AASS: variants seen among roughly 807,000 people sequenced by gnomAD.
AASS encodes the protein aminoadipate-semialdehyde synthase.
In AASS, 86 loss-of-function variants were observed where a neutral mutation model predicts 105.4. The ratio of observed to expected loss-of-function variants is 0.82; its 90% CI spans 0.69 to 0.98. The LOEUF (loss-of-function observed/expected upper bound fraction) is 0.98, where lower values mean the gene tolerates loss of function less well. Among genes scored for constraint, AASS ranks in the 50% least tolerant of loss-of-function variants. The probability of loss-of-function intolerance (pLI) is 0.00; values close to 1 mark genes in which losing one functional copy is unlikely to be tolerated. For missense variants in AASS, 1,048 were observed against 1,143.2 expected (o/e 0.92, Z 1.20); for synonymous variants, 381 against 394.8 (o/e 0.96, Z 0.41).
intron 1 of AASS, among the ~76,000 whole-genome samples, chr7:122,141,122 T>C (rs1442542232): frequency 6.6e-6 from 1 of 152,214 alleles, no homozygotes; most frequent in African/African-American, 2.4e-5. Context: ...TGGGCTTGCA[T>C]TAACACTGGT....
intron 14 of AASS, 44 bp downstream of exon 14, chr7:122,098,701 C>A: frequency 6.3e-7 from 1 of 1,598,640 alleles, no homozygotes; most frequent in Middle Eastern, 1.7e-4. Flanking sequence ...AGTCAACACG[C>A]TATAAAATAC....
chr7:122,098,599 C>T, intron 14 of AASS, 23 bp from the exon 15 acceptor site: 1 of 1,603,468 alleles, frequency 6.2e-7, no homozygotes, highest in Non-Finnish European at 8.5e-7. Flanking sequence ...TTAAAAGTCA[C>T]ATTTTTAGAT....
rs540903795 is a variant in AASS, at chr7:122,113,172, T to A, written c.1224A>T (p.Pro408=). 1 of 1,614,050 alleles carries A rather than the reference T, an allele frequency of 6.2e-7. No individual in the cohort carries two copies. The highest frequency in any genetic ancestry group is 8.5e-7 in the Non-Finnish European group (1 of 1,179,960). Reference sequence around the variant, plus strand: ...CTCCAAAGCATTCTGTAGCTTCAATTGGGAGCTGTGCCGGCAAATTGTCAA... The same window carrying A: ...CTCCAAAGCATTCTGTAGCTTCAATAGGGAGCTGTGCCGGCAAATTGTCAA... ...CSIDNLPAQL[P]IEATECFGDM... Residue 408 remains proline (P), a synonymous_variant, in exon 11 of 24, where the codon CCA becomes CCT. Coordinates refer to ENST00000417368, the MANE Select transcript of AASS (RefSeq NM_005763.4).
At position 122,115,246 on chromosome 7, in the gene AASS, A is replaced by G. The variant is rs751848196; in HGVS notation, c.895-24T>C. ...ATCTGTAATGCAAGTTCCAGGTTCAAGAAAATAGAAAATAGCCTATTTTAA... is the reference window on the plus strand; with the variant it reads ...ATCTGTAATGCAAGTTCCAGGTTCAGGAAAATAGAAAATAGCCTATTTTAA... On this transcript the variant is annotated intron_variant, in intron 8 of 23. Coordinates refer to ENST00000417368, the MANE Select transcript of AASS (RefSeq NM_005763.4). The G allele has an allele frequency of 6.2e-6, 10 of 1,613,238 alleles. No individual in the cohort carries two copies. In the South Asian group the frequency reaches 1.1e-4, roughly 18 times the overall value.
At chr7:122,091,235 G>C (rs1484398873) in intron 18 of AASS, among the ~76,000 whole-genome samples, 2 of 152,048 alleles carry the variant, frequency 1.3e-5, no homozygotes, top group African/African-American at 4.8e-5. Flanking sequence ...TTACATGGCA[G>C]CTGGGGAAGA....
chr7:122,126,592 A>C, intron 3 of AASS, 133 bp from the exon 4 acceptor site: 1 of 762,936 alleles, frequency 1.3e-6, no homozygotes, highest in Non-Finnish European at 2.3e-6. Context: ...AGAAGCTACC[A>C]TCAGGTATAC....
intron 4 of AASS, among the ~76,000 whole-genome samples, chr7:122,123,151 T>C (rs1284188089): frequency 6.6e-6 from 1 of 152,138 alleles, no homozygotes; most frequent in African/African-American, 2.4e-5. Flanking sequence ...TGAATTTTCA[T>C]CCTCCACTTA....
intron 4 of AASS, among the ~76,000 whole-genome samples, chr7:122,120,867 T>G (rs1381861350): frequency 6.6e-6 from 1 of 152,040 alleles, no homozygotes; most frequent in Non-Finnish European, 1.5e-5. Flanking sequence ...CCAAATATCT[T>G]TCTATAAAAA....
chr7:122,115,937 A>C (rs1324807988), intron 8 of AASS, among the ~76,000 whole-genome samples: 2 of 152,178 alleles, frequency 1.3e-5, no homozygotes, highest in Non-Finnish European at 2.9e-5. Context: ...TTCATACCAG[A>C]ATCTGAAAAT....
Position 122,077,837 on chromosome 7 carries a change from C to T in AASS, c.2662+1G>A. On this transcript the variant is annotated splice_donor_variant, in intron 23 of 23. Transcript: ENST00000417368. LOFTEE classifies it high-confidence loss of function. ...CTTACACCTCAAATGAACAGACTTA[C>T]CATCAAGCAACATTTTGGCTGCCAT... is the stretch of plus-strand genomic sequence containing the variant. 3.1e-6 allele frequency: 5 copies of T among 1,614,190 alleles called. No homozygotes were observed. The highest frequency in any genetic ancestry group is 2.5e-6 in the Non-Finnish European group (3 of 1,180,028).
In AASS at chr7:122,133,534, G is replaced by A. The variant is rs780657249; in HGVS notation, c.193C>T (p.Arg65Trp). ...ATACTCACCTTATCATGAATGGCCC[G>A]CCGATTCGAAGGCTGTATCAAGACC... Reference protein sequence around the residue: ...YKVLIQPSNRRAIHDKDYVKA... With the variant: ...YKVLIQPSNRWAIHDKDYVKA... Residue 65 changes from arginine to tryptophan, a missense_variant, in exon 2 of 24, where the codon CGG becomes TGG. By Grantham distance (101) the Arg-to-Trp change is moderately radical. Transcript: ENST00000417368. The A allele has an allele frequency of 1.9e-5, 31 of 1,613,978 alleles. 1 individual carries two copies. The highest frequency in any genetic ancestry group is 2.2e-5 in the South Asian group (2 of 91,078).
intron 2 of AASS, 54 bp downstream of exon 2, chr7:122,133,463 A>G (rs969799966): frequency 6.3e-7 from 1 of 1,582,094 alleles, no homozygotes. Context: ...ATGCTCCTTA[A>G]TTTTCATATG....
At chr7:122,142,140 C>A (rs1351532345) in intron 1 of AASS, among the ~76,000 whole-genome samples, 1 of 152,228 alleles carries the variant, frequency 6.6e-6, no homozygotes, top group Non-Finnish European at 1.5e-5. Context: ...CAAACTTACT[C>A]TGTGACCTTG....
intron 18 of AASS, among the ~76,000 whole-genome samples, chr7:122,087,716 G>A (rs867106655): frequency 2.6e-5 from 4 of 152,020 alleles, no homozygotes; most frequent in South Asian, 2.1e-4. Flanking sequence ...AAAAGCAAAC[G>A]TTGACTTTTA....
rs997473252 is a variant in AASS at position 122,074,565 on chromosome 7, A to T, written c.*1924T>A. Among the ~76,000 whole-genome samples the T allele has an allele frequency of 2.6e-5, 4 of 152,176 alleles. No homozygotes were observed. The highest frequency in any genetic ancestry group is 4.8e-5 in the African/African-American group (2 of 41,434). ...AATCATTGCCTAATTCAAAGTCAGA[A>T]AGATTTACGCCATGTTTTCTTTGAA... On this transcript the variant is annotated 3_prime_UTR_variant, in exon 24 of 24. Coordinates refer to ENST00000417368, the MANE Select transcript of AASS (RefSeq NM_005763.4).
Position 122,079,503 on chromosome 7 carries a change from A to G in AASS, c.2396+94T>C, listed in dbSNP as rs923506143. The G allele has an allele frequency of 6.1e-6, 7 of 1,154,282 alleles. No homozygotes were observed. The Admixed American group carries it at 9.4e-5, about 16-fold the overall frequency. 71.5% of individuals were successfully genotyped at this position (1,154,282 alleles called of 1,614,324 possible). On this transcript the variant is annotated intron_variant, in intron 21 of 23. Coordinates refer to ENST00000417368, the MANE Select transcript of AASS (RefSeq NM_005763.4). ...CCCACATTAGAGCAACGAATTAATC[A>G]AAGACAAATGTAAAATATTTAACTT...
Position 122,113,206 on chromosome 7 carries a change from A to T in AASS, c.1190T>A (p.Met397Lys), listed in dbSNP as rs761169032. 1 of 1,614,094 alleles carries T rather than the reference A, an allele frequency of 6.2e-7. No homozygotes were observed. The highest frequency in any genetic ancestry group is 1.7e-4 in the Middle Eastern group (1 of 6,060). The change falls in exon 11 of 24, where the codon ATG (methionine) becomes AAG (lysine). Residue 397 changes from methionine to lysine, a missense_variant. Met to Lys is a moderately conservative substitution (Grantham distance 95, BLOSUM62 -1). Transcript: ENST00000417368. Reference protein sequence around the residue: ...HDSVEGSGILMCSIDNLPAQL... With the variant: ...HDSVEGSGILKCSIDNLPAQL... ...TGCCGGCAAATTGTCAATGGAACAC[A>T]TCAGGATCCCCGAGCCTTCAACACT...
intron 13 of AASS, among the ~76,000 whole-genome samples, chr7:122,100,062 T>G (rs1562920513): frequency 1.3e-5 from 2 of 151,810 alleles, no homozygotes; most frequent in Non-Finnish European, 2.9e-5. Flanking sequence ...AATAATCACG[T>G]GCTAAGTGAT....
chr7:122,116,841 T>A (rs754230301), intron 7 of AASS, 38 bp downstream of exon 7: 70 of 1,611,856 alleles, frequency 4.3e-5, no homozygotes, highest in Non-Finnish European at 5.7e-5. Context: ...ACATAGACTG[T>A]TAAAAACATT....
Sources: gnomAD v4.1 joint callset for allele counts (sites outside exome capture counted in the v4.1 genomes callset) on GRCh38, gnomAD v4.1.1 for gene constraint, MANE v1.5 for transcripts, NCBI Gene and HGNC (gene_info 2026-07-23, HGNC 2026-07-21) for gene names.